The following IL1RAPL2 variants were observed in gnomAD, a reference collection of about 807,000 sequenced individuals.
IL1RAPL2 encodes interleukin 1 receptor accessory protein like 2, also known as X-linked interleukin-1 receptor accessory protein-like 2.
IL1RAPL2 carries 3 observed loss-of-function variants against 44.1 expected under a neutral mutation model. That is an observed-to-expected ratio of 0.07 (90% confidence interval 0.03 to 0.18). The LOEUF is 0.18. Among genes scored for constraint, IL1RAPL2 ranks in the 10% least tolerant of loss-of-function variants. The probability of loss-of-function intolerance (pLI) is 1.00; values close to 1 mark genes in which losing one functional copy is unlikely to be tolerated. For missense variants in IL1RAPL2, 391 were observed against 496.4 expected (o/e 0.79, Z 2.02); for synonymous variants, 181 against 178.8 (o/e 1.01, Z -0.10).
chrX:105,696,833 C>T (rs1452276767), intron 6 of IL1RAPL2, among the ~76,000 whole-genome samples: 1 of 111,675 alleles, frequency 9.0e-6, no homozygotes, highest in East Asian at 2.8e-4. Flanking sequence ...AGGGTATTTA[C>T]TTTAGGTGGC....
At chrX:104,899,770 T>A (rs1189268424) in intron 2 of IL1RAPL2, among the ~76,000 whole-genome samples, 1 of 111,809 alleles carries the variant, frequency 8.9e-6, no homozygotes, top group Non-Finnish European at 1.9e-5. Context: ...AGTCTTCTCA[T>A]CTCTCCCCCT....
chrX:105,549,043 C>T (rs776993662), intron 6 of IL1RAPL2, among the ~76,000 whole-genome samples: 11 of 111,683 alleles, frequency 9.8e-5, no homozygotes, highest in Non-Finnish European at 1.9e-4. Context: ...GTAAAATAAA[C>T]TCAATGCCTT....
chrX:104,907,553 G>A (rs1039805794), intron 2 of IL1RAPL2, among the ~76,000 whole-genome samples: 2 of 111,631 alleles, frequency 1.8e-5, no homozygotes, highest in Non-Finnish European at 3.8e-5. Flanking sequence ...CCTTCATTTC[G>A]TTATGTACCC....
intron 2 of IL1RAPL2, among the ~76,000 whole-genome samples, chrX:104,908,205 G>A (rs1438538662): frequency 9.0e-5 from 10 of 111,616 alleles, no homozygotes; most frequent in South Asian, 3.7e-4. Flanking sequence ...GTCTCTGCAC[G>A]TGAGATGGGT....
In IL1RAPL2 at chrX:105,658,772, G is replaced by A. The variant is rs1038347591; in HGVS notation, c.773-58595G>A. 2.8e-5 allele frequency among the ~76,000 whole-genome samples: 3 copies of A among 107,116 alleles called. No homozygotes were observed. The South Asian group carries it at 1.3e-3, about 45-fold the overall frequency. The allele number at this position is 107,116 out of a possible 115,157, so 93.0% of individuals were successfully genotyped here. On this transcript the variant is annotated intron_variant, in intron 6 of 10. Coordinates refer to ENST00000372582, the MANE Select transcript of IL1RAPL2 (RefSeq NM_017416.2). ...GTTCGAGACCAGCCTGGCCAGCATGGTGAAACCCCATCTGTACTAAAAATA... is the reference window on the plus strand; with the variant it reads ...GTTCGAGACCAGCCTGGCCAGCATGATGAAACCCCATCTGTACTAAAAATA...
intron 2 of IL1RAPL2, among the ~76,000 whole-genome samples, chrX:104,851,767 G>A (rs1415099646): frequency 9.0e-6 from 1 of 111,345 alleles, no homozygotes; most frequent in Admixed American, 9.6e-5. Flanking sequence ...TCTGCAGGCT[G>A]GCTTCTGTTG....
At chrX:105,280,834 A>C (rs959577689) in intron 5 of IL1RAPL2, among the ~76,000 whole-genome samples, 1 of 111,638 alleles carries the variant, frequency 9.0e-6, no homozygotes, top group Admixed American at 9.5e-5. Flanking sequence ...GTGGGAGTGT[A>C]AATTAGTTCA....
At chrX:104,840,219 C>G (rs111312812) in intron 2 of IL1RAPL2, among the ~76,000 whole-genome samples, 4,759 of 111,771 alleles carry the variant, frequency 0.043, 276 homozygotes, top group African/African-American at 0.15. Flanking sequence ...AAATTTCCCT[C>G]TTAAAACTGC....
At chrX:105,593,054 T>C (rs1390854119) in intron 6 of IL1RAPL2, among the ~76,000 whole-genome samples, 1 of 112,147 alleles carries the variant, frequency 8.9e-6, no homozygotes, top group Non-Finnish European at 1.9e-5. Context: ...CTCCTTCTCT[T>C]TCAGGGATGC....
chrX:104,599,650 G>GCACACACACACACA (rs35769134), intron 1 of IL1RAPL2, among the ~76,000 whole-genome samples: 4 of 86,173 alleles, frequency 4.6e-5, no homozygotes, highest in Non-Finnish European at 6.9e-5. Flanking sequence ...GATGGATTTA[G>GCACACACACACACA]CACACACACA....
intron 10 of IL1RAPL2, among the ~76,000 whole-genome samples, chrX:105,762,792 T>C (rs1300215604): frequency 8.9e-6 from 1 of 112,116 alleles, no homozygotes; most frequent in Non-Finnish European, 1.9e-5. Flanking sequence ...TTTAAGGGAT[T>C]CTTGCTACTC....
chrX:105,628,326 C>T (rs1021685587), intron 6 of IL1RAPL2, among the ~76,000 whole-genome samples: 2 of 111,335 alleles, frequency 1.8e-5, no homozygotes, highest in African/African-American at 6.5e-5. Context: ...TCATGACTTG[C>T]CAAATCCTTC....
chrX:105,248,207 T>A (rs2034238915), intron 4 of IL1RAPL2, among the ~76,000 whole-genome samples: 1 of 111,428 alleles, frequency 9.0e-6, no homozygotes. Context: ...AAGATGGAAA[T>A]GCTCTCTGTC....
At chrX:105,702,254 G>A (rs962228179) in intron 6 of IL1RAPL2, among the ~76,000 whole-genome samples, 5 of 111,211 alleles carry the variant, frequency 4.5e-5, no homozygotes, top group African/African-American at 6.5e-5. Flanking sequence ...GTGAATAATC[G>A]GTTGGTGCAC....
chrX:105,732,915 G>A (rs914366715), intron 7 of IL1RAPL2, among the ~76,000 whole-genome samples: 6 of 110,929 alleles, frequency 5.4e-5, no homozygotes, highest in Non-Finnish European at 1.9e-5. Context: ...TGTTAGATAC[G>A]GAATAAGAAT....
At chrX:104,606,316 A>G (rs759486924) in intron 1 of IL1RAPL2, among the ~76,000 whole-genome samples, 1 of 111,986 alleles carries the variant, frequency 8.9e-6, no homozygotes, top group South Asian at 3.8e-4. Flanking sequence ...AGTGGAACAT[A>G]TCACAAAATA....
chrX:105,483,181 T>C (rs1172748939), intron 5 of IL1RAPL2, among the ~76,000 whole-genome samples: 1 of 110,274 alleles, frequency 9.1e-6, no homozygotes, highest in Non-Finnish European at 1.9e-5. Flanking sequence ...ATCAAGCCAA[T>C]CATCATTAGA....
intron 2 of IL1RAPL2, among the ~76,000 whole-genome samples, chrX:104,881,535 T>C (rs1228881961): frequency 1.8e-5 from 2 of 112,467 alleles, no homozygotes; most frequent in Non-Finnish European, 3.8e-5. Context: ...AAATCTGATC[T>C]TGTTTTGCAT....
At chrX:105,391,075 G>C (rs765965235) in intron 5 of IL1RAPL2, among the ~76,000 whole-genome samples, 37 of 111,508 alleles carry the variant, frequency 3.3e-4, no homozygotes, top group South Asian at 3.0e-3. Flanking sequence ...CAAGGTAGTT[G>C]TTTTTATCCA....
Sources: allele counts gnomAD v4.1 joint callset (sites outside exome capture counted in the v4.1 genomes callset), GRCh38; gene constraint gnomAD v4.1.1; transcripts MANE v1.5; gene names NCBI Gene and HGNC (gene_info 2026-07-23, HGNC 2026-07-21).